The following HOXA3 variants were observed in gnomAD, a reference collection of about 807,000 sequenced individuals.
HOXA3 encodes the protein homeobox protein Hox-A3.
Under a neutral mutation model 30.3 loss-of-function variants are expected in HOXA3, and 8 were observed. The observed-to-expected ratio is 0.26, with a 90% confidence interval of 0.15 to 0.48. The LOEUF (loss-of-function observed/expected upper bound fraction) is 0.48, where lower values mean the gene tolerates loss of function less well. HOXA3 is among the 20% of genes least tolerant of loss of function. The probability of loss-of-function intolerance (pLI) is 0.99; values close to 1 mark genes in which losing one functional copy is unlikely to be tolerated. For synonymous variants in HOXA3, 323 were observed against 273.1 expected, an observed-to-expected ratio of 1.18 and a Z score of -1.80; for missense variants, 653 against 614.4, an observed-to-expected ratio of 1.06 and a Z score of -0.66.
chr7:27,151,456 G>A (rs1782969821), intron 1 of HOXA3: 1 of 373,670 alleles, frequency 2.7e-6, no homozygotes, highest in East Asian at 8.5e-5. Context: ...CTCGGTTTGC[G>A]TCCTTCCTTC....
intron 1 of HOXA3, chr7:27,145,924 G>A (rs1352473826): frequency 6.2e-7 from 1 of 1,610,582 alleles, no homozygotes; most frequent in Non-Finnish European, 8.5e-7. Context: ...GCACCTACGA[G>A]CAGAAACGGC....
At chr7:27,141,615 C>T in intron 1 of HOXA3, 1 of 418,366 alleles carries the variant, frequency 2.4e-6, no homozygotes, top group South Asian at 6.3e-5. Context: ...TATTTTTTTT[C>T]AAGACAAAGC....
Position 27,113,351 on chromosome 7 carries a change from G to A in HOXA3, c.-120-2591C>T, listed in dbSNP as rs998875661. On this transcript the variant is annotated intron_variant, in intron 4 of 5. Transcript: ENST00000612286. The surrounding 1 kb of genome is among the most constrained non-coding windows in gnomAD (Gnocchi z 4.8). ...GCCTTCCCTCACCCCAAATCTGAGC[G>A]GGTTCGTCGGATAGGAGCCCCGAGT... is the stretch of plus-strand genomic sequence containing the variant. Among the ~76,000 whole-genome samples, 10 of 152,098 alleles carry A rather than the reference G, an allele frequency of 6.6e-5. No individual in the cohort carries two copies. The highest frequency in any genetic ancestry group is 2.6e-4 in the Admixed American group (4 of 15,264).
intron 2 of HOXA3, among the ~76,000 whole-genome samples, chr7:27,129,821 C>G (rs1419821923): frequency 6.6e-6 from 1 of 152,238 alleles, no homozygotes; most frequent in East Asian, 1.9e-4. Flanking sequence ...GCTTCAAAGA[C>G]ACATGGCCTG....
In HOXA3 at chr7:27,110,637, G is replaced by C. The variant is rs1784319564; in HGVS notation, c.4C>G (p.Gln2Glu). ...GAGCTGTCGTAGTAGGTCGCTTTTT[G>C]CATCGCGTTGTTTCACGATCTTGAT... M[Q>E]KATYYDSSAI... Residue 2 changes from glutamine to glutamate, a missense_variant, in exon 5 of 6, where the codon CAA becomes GAA. Gln to Glu is a conservative substitution (Grantham distance 29, BLOSUM62 2). Around this residue, in one of 3 missense-constraint regions of HOXA3, gnomAD observed 320 missense variants for 321.9 expected, o/e 0.99. Transcript: ENST00000612286. The C allele has an allele frequency of 2.5e-6, 4 of 1,601,400 alleles. No individual in the cohort carries two copies. Among genetic ancestry groups the C allele is most frequent in the Non-Finnish European group, 3.4e-6 (4 of 1,170,270 alleles).
intron 2 of HOXA3, among the ~76,000 whole-genome samples, chr7:27,133,092 C>T (rs1378646616): frequency 6.6e-6 from 1 of 152,148 alleles, no homozygotes; most frequent in Non-Finnish European, 1.5e-5. Flanking sequence ...ACAGAATCCC[C>T]CAAGGCCTGT....
Position 27,110,453 on chromosome 7 carries a change from T to C in HOXA3, c.188A>G (p.Lys63Arg). The change falls in exon 5 of 6, where the codon AAG becomes AGG. Residue 63 changes from lysine (K) to arginine (R), a missense_variant. Lys to Arg is a conservative substitution (Grantham distance 26, BLOSUM62 2). Transcript: ENST00000612286. ...QSPSSAGGHP[K>R]AHELSEACLR... ...GCACGCCTCACTCAGTTCGTGTGCC[T>C]TGGGGTGGCCCCCGGCGCTGGAGGG... 6.3e-7 allele frequency: 1 copy of C among 1,589,160 alleles called. No homozygotes were observed. The highest frequency in any genetic ancestry group is 8.6e-7 in the Non-Finnish European group (1 of 1,166,272).
In HOXA3 at chr7:27,108,096, C is replaced by T. The variant is rs1200920348; in HGVS notation, c.1151G>A (p.Gly384Asp). 7 of 1,611,816 alleles carry T rather than the reference C, an allele frequency of 4.3e-6. No homozygotes were observed. The African/African-American group carries it at 5.3e-5, about 12-fold the overall frequency. Residue 384 changes from glycine to aspartate, a missense_variant, in exon 6 of 6, where the codon GGT becomes GAT. By Grantham distance (94) the Gly-to-Asp change is moderately conservative. Around this residue, in one of 3 missense-constraint regions of HOXA3, gnomAD observed 330 missense variants for 274.4 expected, o/e 1.20. Coordinates refer to ENST00000612286, the MANE Select transcript of HOXA3 (RefSeq NM_153631.3). This position sits in a 1 kb window ranked among gnomAD's most constrained non-coding sequence, Gnocchi z 5.0. ...GGCAGCGTGGGGGAGGTGAGTTAGA[C>T]CAAAGAGGGCTGGCCCGGAGTTGCT... ...PMSNSGPALF[G>D]LTHLPHAASG...
rs964020172 is a variant in HOXA3, at chr7:27,122,647, A to C, written c.-204-5T>G. On this transcript the variant is annotated splice_region_variant and splice_polypyrimidine_tract_variant and intron_variant, in intron 3 of 5. Transcript: ENST00000612286. ...CTTTTCCGGTGTCCAGGCGCTCTGC[A>C]GACAAATAAACAGCAGAAGGTGAAT... The C allele has an allele frequency of 6.6e-6, 1 of 152,228 alleles. No individual in the cohort carries two copies. Among genetic ancestry groups the C allele is most frequent in the Non-Finnish European group, 1.5e-5 (1 of 68,056 alleles). The allele number at this position is 152,228 out of a possible 1,614,324, so 9.4% of individuals were successfully genotyped here.
intron 4 of HOXA3, among the ~76,000 whole-genome samples, chr7:27,119,230 G>A (rs1294714466): frequency 7.1e-6 from 1 of 141,136 alleles, no homozygotes; most frequent in Non-Finnish European, 1.5e-5. Flanking sequence ...GGCAATCTGG[G>A]ACCCTCTCCA....
intron 2 of HOXA3, among the ~76,000 whole-genome samples, chr7:27,132,038 A>G (rs576658652): frequency 6.6e-6 from 1 of 152,314 alleles, no homozygotes; most frequent in South Asian, 2.1e-4. Flanking sequence ...AATTCCACCT[A>G]ATGTTGATCT....
intron 4 of HOXA3, among the ~76,000 whole-genome samples, chr7:27,112,853 G>A (rs938534616): frequency 1.3e-5 from 2 of 152,196 alleles, no homozygotes; most frequent in African/African-American, 4.8e-5. Flanking sequence ...ATACCAGCCT[G>A]CTACTTAGTT....
chr7:27,130,186 C>T, intron 2 of HOXA3: 6 of 1,585,948 alleles, frequency 3.8e-6, no homozygotes, highest in Non-Finnish European at 5.1e-6. Flanking sequence ...GCCCAGCGGG[C>T]TCTTGTCGGC....
intron 2 of HOXA3, among the ~76,000 whole-genome samples, chr7:27,133,765 C>A (rs1420003376): frequency 6.6e-6 from 1 of 152,186 alleles, no homozygotes; most frequent in African/African-American, 2.4e-5. Flanking sequence ...TTGAATGCAA[C>A]CCTGTCCCAA....
At chr7:27,122,793 C>T (rs571712491) in intron 3 of HOXA3, 151 bp from the exon 4 acceptor site, 4 of 152,300 alleles carry the variant, frequency 2.6e-5, no homozygotes, top group African/African-American at 9.6e-5. Context: ...GTCCGTGTGG[C>T]GCACTCATTG....
chr7:27,116,743 C>T (rs1784747636), intron 4 of HOXA3: 1 of 152,192 alleles, frequency 6.6e-6, no homozygotes, highest in South Asian at 2.1e-4. Flanking sequence ...TGCGCCAGAA[C>T]TAGGTCATAA....
intron 5 of HOXA3, among the ~76,000 whole-genome samples, chr7:27,109,530 A>G (rs1175867785): frequency 1.3e-5 from 2 of 152,208 alleles, no homozygotes; most frequent in African/African-American, 4.8e-5. Flanking sequence ...CGCTTTCAGG[A>G]GGCCCATGTG....
Position 27,114,826 on chromosome 7 carries a change from T to A in HOXA3, c.-120-4066A>T, listed in dbSNP as rs1300717300. The stretch of plus-strand genomic sequence containing the variant: ...GATTCCTAAAACATACATATATATA[T>A]AATATATATTATATATATAATATAT... On this transcript the variant is annotated intron_variant, in intron 4 of 5. Transcript: ENST00000612286. Among the ~76,000 whole-genome samples, 51 of 99,048 alleles carry A rather than the reference T, an allele frequency of 5.1e-4. 3 individuals carry two copies. Among genetic ancestry groups the A allele is most frequent in the African/African-American group, 1.8e-3 (48 of 25,970 alleles). 65.0% of individuals were successfully genotyped at this position (99,048 alleles called of 152,430 possible).
At chr7:27,151,297 C>A (rs1351646306) in intron 1 of HOXA3, 2 of 305,478 alleles carry the variant, frequency 6.5e-6, no homozygotes, top group East Asian at 2.1e-4. Context: ...CAGTTCGAGC[C>A]ACCGCGCTAC....
Sources: gnomAD v4.1 joint callset for allele counts (sites outside exome capture counted in the v4.1 genomes callset) on GRCh38, gnomAD v4.1.1 for gene constraint, gnomAD v4.1.1 regional missense constraint, Gnocchi (gnomAD v3.1) non-coding constraint, MANE v1.5 for transcripts, NCBI Gene and HGNC (gene_info 2026-07-23, HGNC 2026-07-21) for gene names.